The following VEPH1 variants were observed in gnomAD, a reference collection of about 807,000 sequenced individuals.
The protein encoded by VEPH1 is ventricular zone-expressed PH domain-containing protein homolog 1.
Under a neutral mutation model 85.2 loss-of-function variants are expected in VEPH1, and 80 were observed. The observed-to-expected ratio is 0.94, with a 90% CI of 0.78 to 1.13. The LOEUF (loss-of-function observed/expected upper bound fraction) is 1.13. Ranked by LOEUF, VEPH1 falls within the 50% of genes most tolerant of loss-of-function variation. VEPH1 has a pLI of 0.00. For synonymous variants in VEPH1, 297 were observed against 348.0 expected (o/e 0.85, Z 1.63); for missense variants, 955 against 980.5 (o/e 0.97, Z 0.35).
chr3:157,317,322 T>G, intron 9 of VEPH1, 121 bp from the exon 10 acceptor site: 1 of 864,702 alleles, frequency 1.2e-6, no homozygotes, highest in Non-Finnish European at 1.6e-6. Flanking sequence ...TGTGAGCTAA[T>G]AACTACAAAC....
chr3:157,338,011 T>A (rs16827516), intron 9 of VEPH1, among the ~76,000 whole-genome samples: 33,396 of 151,956 alleles, frequency 0.22, 4,518 homozygotes, highest in Admixed American at 0.42. Flanking sequence ...CTTTACCAGG[T>A]CCATTCCTCA....
At chr3:157,372,416 C>T (rs1462794233) in intron 7 of VEPH1, among the ~76,000 whole-genome samples, 1 of 152,214 alleles carries the variant, frequency 6.6e-6, no homozygotes, top group Non-Finnish European at 1.5e-5. Context: ...GTTTATCTAA[C>T]AGCCTTCAGG....
At chr3:157,307,814 G>A (rs1166284925) in intron 11 of VEPH1, among the ~76,000 whole-genome samples, 4 of 151,600 alleles carry the variant, frequency 2.6e-5, no homozygotes, top group South Asian at 4.2e-4. Context: ...TATGATAATG[G>A]TTGTTCTTGA....
intron 9 of VEPH1, among the ~76,000 whole-genome samples, chr3:157,360,395 C>A (rs148631590): frequency 4.6e-5 from 7 of 152,174 alleles, no homozygotes; most frequent in African/African-American, 1.7e-4. Context: ...CCTAGGTTAT[C>A]TAGGTCATCC....
chr3:157,375,714 T>A (rs999488970), intron 7 of VEPH1, among the ~76,000 whole-genome samples: 4 of 152,192 alleles, frequency 2.6e-5, no homozygotes, highest in Non-Finnish European at 5.9e-5. Context: ...TTGTATCATC[T>A]CTTTTCACTT....
At chr3:157,411,282 C>T (rs1731513059) in intron 6 of VEPH1, among the ~76,000 whole-genome samples, 1 of 152,138 alleles carries the variant, frequency 6.6e-6, no homozygotes, top group South Asian at 2.1e-4. Context: ...AATCAGATAT[C>T]TGTCTTTGTT....
chr3:157,305,484 TATA>T (rs1181903116), intron 11 of VEPH1, among the ~76,000 whole-genome samples: 4 of 152,234 alleles, frequency 2.6e-5, no homozygotes, highest in Admixed American at 1.3e-4. Context: ...TATATGGTTG[TATA>T]ATAATTTCAT....
At chr3:157,299,186 GT>G (rs1718472109) in intron 11 of VEPH1, among the ~76,000 whole-genome samples, 2 of 152,146 alleles carry the variant, frequency 1.3e-5, no homozygotes, top group South Asian at 4.1e-4. Context: ...TTATTATTCA[GT>G]TTGAGCAGTC....
chr3:157,339,718 T>A lies in VEPH1; in HGVS notation c.1736-22517A>T, dbSNP rs560857209. Among the ~76,000 whole-genome samples the A allele has an allele frequency of 2.6e-5, 4 of 152,258 alleles. 1 individual carries two copies. The highest frequency in any genetic ancestry group is 9.6e-5 in the African/African-American group (4 of 41,548). ...AATATAAATTATTTCAGGCTTCTGC[T>A]CAAGAAGGTCGGGTGGCGAGGTTGT... On this transcript the variant is annotated intron_variant, in intron 9 of 13. Transcript: ENST00000362010.
intron 2 of VEPH1, among the ~76,000 whole-genome samples, chr3:157,473,140 T>C (rs1490742098): frequency 2.1e-5 from 3 of 144,450 alleles, no homozygotes; most frequent in Non-Finnish European, 3.0e-5. Flanking sequence ...TGGTGCGATC[T>C]CAGGTCACTG....
At chr3:157,443,441 TAAC>T (rs1182229891) in intron 4 of VEPH1, 2 of 155,854 alleles carry the variant, frequency 1.3e-5, no homozygotes, top group Admixed American at 6.3e-5. Flanking sequence ...CAAGGTGACT[TAAC>T]AACTATAAAT....
chr3:157,494,684 T>C (rs1015809135), intron 2 of VEPH1, among the ~76,000 whole-genome samples: 2 of 152,004 alleles, frequency 1.3e-5, no homozygotes, highest in Admixed American at 6.6e-5. Flanking sequence ...ATAGAGACAA[T>C]ACAGAAGTAA....
intron 11 of VEPH1, among the ~76,000 whole-genome samples, chr3:157,311,786 A>AC (rs1720142146): frequency 1.3e-5 from 2 of 152,194 alleles, no homozygotes; most frequent in Non-Finnish European, 2.9e-5. Flanking sequence ...ACAGTTAGCA[A>AC]TAAAAAATTT....
At chr3:157,402,874 G>A (rs1007589028) in intron 6 of VEPH1, among the ~76,000 whole-genome samples, 1 of 152,038 alleles carries the variant, frequency 6.6e-6, no homozygotes, top group African/African-American at 2.4e-5. Context: ...TTAATATTAT[G>A]ATCTATACCT....
chr3:157,281,571 G>A (rs1716130248), intron 12 of VEPH1, among the ~76,000 whole-genome samples: 1 of 150,532 alleles, frequency 6.6e-6, no homozygotes, highest in Non-Finnish European at 1.5e-5. Context: ...ATGGAGTCTC[G>A]CTTGCCACCC....
chr3:157,462,897 A>AAATTATAATT (rs1407622997), intron 3 of VEPH1, among the ~76,000 whole-genome samples: 4 of 152,178 alleles, frequency 2.6e-5, no homozygotes, highest in Admixed American at 1.3e-4. Context: ...ACACGTTACC[A>AAATTATAATT]AATTATAATT....
At position 157,440,754 on chromosome 3, in the gene VEPH1, G is replaced by A. The variant is rs144930896; in HGVS notation, c.530-12266C>T. ...TCCCAGGGACACGTAAAAGGTTTTC[G>A]TTTCAGCATCTCCAGCTTCCCAAAT... On this transcript the variant is annotated intron_variant, in intron 4 of 13. Transcript: ENST00000362010. 1.5e-3 allele frequency among the ~76,000 whole-genome samples: 228 copies of A among 152,072 alleles called. 1 individual carries two copies. The highest frequency in any genetic ancestry group is 5.2e-3 in the African/African-American group (216 of 41,484).
chr3:157,430,965 AT>A (rs1401284515), intron 4 of VEPH1, among the ~76,000 whole-genome samples: 1 of 152,138 alleles, frequency 6.6e-6, no homozygotes, highest in Non-Finnish European at 1.5e-5. Flanking sequence ...CTAGGAGAGA[AT>A]TTGTTTCCTT....
intron 12 of VEPH1, chr3:157,284,940 CAT>C (rs1466817861): frequency 3.3e-5 from 5 of 152,130 alleles, no homozygotes; most frequent in Non-Finnish European, 7.3e-5. Context: ...TTTGAGAAAA[CAT>C]GTATTAAAGG....
Sources: allele counts gnomAD v4.1 joint callset (sites outside exome capture counted in the v4.1 genomes callset), GRCh38; gene constraint gnomAD v4.1.1; transcripts MANE v1.5; gene names NCBI Gene and HGNC (gene_info 2026-07-23, HGNC 2026-07-21).